The following POLR2F variants were observed in gnomAD, a reference collection of about 807,000 sequenced individuals.
POLR2F encodes the protein DNA-directed RNA polymerases I, II, and III subunit RPABC2.
POLR2F carries 12 observed loss-of-function variants against 22.7 expected under a neutral mutation model. The observed-to-expected ratio is 0.53, with a 90% CI of 0.34 to 0.86. The LOEUF is 0.86. Among genes scored for constraint, POLR2F ranks in the 40% least tolerant of loss-of-function variants. The pLI is 0.02. For missense variants in POLR2F, 126 were observed against 171.5 expected, an observed-to-expected ratio of 0.73 and a Z score of 1.48; for synonymous variants, 57 against 66.0, an observed-to-expected ratio of 0.86 and a Z score of 0.66.
rs2084914623 is a variant in POLR2F, at chr22:38,016,272, T to G, written c.121-9597T>G. Among the ~76,000 whole-genome samples the G allele has an allele frequency of 6.6e-6, 1 of 152,192 alleles. No individual in the cohort carries two copies. The highest frequency in any genetic ancestry group is 2.1e-4 in the South Asian group (1 of 4,828). On this transcript the variant is annotated intron_variant, in intron 1 of 2. Coordinates refer to the POLR2F transcript ENST00000333418. This position sits in a 1 kb window ranked among gnomAD's most constrained non-coding sequence, Gnocchi z 4.4. Reference sequence around the variant, plus strand: ...GCTCTGACCACACCCTTGGGGGTCATTTCAGAAGGCCTCCTCCAATGAGGC... The same window carrying G: ...GCTCTGACCACACCCTTGGGGGTCAGTTCAGAAGGCCTCCTCCAATGAGGC...
At chr22:37,959,529 C>A in intron 3 of POLR2F, 53 bp downstream of exon 3, 1 of 1,580,180 alleles carries the variant, frequency 6.3e-7, no homozygotes, top group South Asian at 1.1e-5. Flanking sequence ...ACAGTAAGCT[C>A]TTGTACCGCT....
At chr22:37,967,361 T>A in intron 4 of POLR2F, 191 bp downstream of exon 4, 1 of 1,459,666 alleles carries the variant, frequency 6.9e-7, no homozygotes, top group African/African-American at 1.4e-5. Flanking sequence ...AGGGCACTGA[T>A]GAGACATGGA....
At chr22:37,961,899 C>T (rs560359711) in intron 3 of POLR2F, among the ~76,000 whole-genome samples, 7 of 151,818 alleles carry the variant, frequency 4.6e-5, no homozygotes, top group Non-Finnish European at 5.9e-5. Flanking sequence ...TCTGGAGGAG[C>T]GGGGGTAGTT....
chr22:37,983,158 C>T (rs374946072), upstream of POLR2F, among the ~76,000 whole-genome samples: 38 of 152,340 alleles, frequency 2.5e-4, 1 homozygote, highest in Middle Eastern at 0.01. This position sits in a 1 kb window ranked among gnomAD's most constrained non-coding sequence, Gnocchi z 9.5. Flanking sequence ...GGAGACCCGG[C>T]CTAGGCCGCT....
chr22:38,008,617 C>T (rs1185653134), intron 1 of POLR2F, among the ~76,000 whole-genome samples: 1 of 150,980 alleles, frequency 6.6e-6, no homozygotes, highest in Admixed American at 6.6e-5. Flanking sequence ...CAGGCCTGTA[C>T]TCCCAGCACT....
At chr22:38,020,795 C>T (rs1237581800) in intron 1 of POLR2F, among the ~76,000 whole-genome samples, 1 of 152,058 alleles carries the variant, frequency 6.6e-6, no homozygotes, top group African/African-American at 2.4e-5. Flanking sequence ...TTTCCTGCCA[C>T]CTTTTCCCCT....
At chr22:37,991,053 G>A (rs1398482387) in intron 1 of POLR2F, among the ~76,000 whole-genome samples, 1 of 152,192 alleles carries the variant, frequency 6.6e-6, no homozygotes, top group African/African-American at 2.4e-5. Context: ...AGGCCAAGGT[G>A]GGAGGATTGC....
intron 1 of POLR2F, among the ~76,000 whole-genome samples, chr22:37,989,680 C>T (rs1041208889): frequency 5.3e-5 from 8 of 152,218 alleles, no homozygotes; most frequent in Non-Finnish European, 1.0e-4. Flanking sequence ...AGGCACAAAG[C>T]GATTCAGTGA....
chr22:37,967,507 C>T lies in POLR2F; in HGVS notation c.294-118C>T, dbSNP rs912320415. The T allele has an allele frequency of 4.0e-6, 6 of 1,504,872 alleles. No homozygotes were observed. The Admixed American group carries it at 9.9e-5, about 25-fold the overall frequency. 93.2% of individuals were successfully genotyped at this position (1,504,872 alleles called of 1,614,324 possible). On this transcript the variant is annotated intron_variant, in intron 4 of 4. Coordinates refer to ENST00000442738, the MANE Select transcript of POLR2F (RefSeq NM_021974.5). ...CTTTCTTACAAAGTACACTCATCAGCCCCAAGAGGCTGCTCCTAAGACTTC... is the reference window on the plus strand; with the variant it reads ...CTTTCTTACAAAGTACACTCATCAGTCCCAAGAGGCTGCTCCTAAGACTTC...
chr22:38,034,690 C>T (rs1040135508), intron 5 of POLR2F, among the ~76,000 whole-genome samples: 1 of 152,192 alleles, frequency 6.6e-6, no homozygotes, highest in African/African-American at 2.4e-5. Flanking sequence ...ACAGAATGAA[C>T]TAATCCCAGG....
At chr22:38,004,489 A>G (rs1177234635) in intron 1 of POLR2F, among the ~76,000 whole-genome samples, 2 of 152,088 alleles carry the variant, frequency 1.3e-5, no homozygotes, top group Admixed American at 1.3e-4. Context: ...ATGCATATCT[A>G]CTCGCTGAGT....
chr22:37,994,298 A>G (rs1427630409), intron 1 of POLR2F, among the ~76,000 whole-genome samples: 1 of 151,980 alleles, frequency 6.6e-6, no homozygotes, highest in Non-Finnish European at 1.5e-5. Flanking sequence ...ACACACACGC[A>G]CCCCAGCTCA....
intron 3 of POLR2F, among the ~76,000 whole-genome samples, chr22:37,963,942 A>C (rs1236463313): frequency 6.6e-6 from 1 of 152,024 alleles, no homozygotes; most frequent in Non-Finnish European, 1.5e-5. Flanking sequence ...TCTCTACTAA[A>C]AATACAAAAA....
intron 1 of POLR2F, among the ~76,000 whole-genome samples, chr22:38,004,334 T>C (rs563871007): frequency 2.2e-4 from 34 of 152,072 alleles, no homozygotes; most frequent in African/African-American, 7.0e-4. Context: ...TGTATTAGGA[T>C]GGGTCGTAGG....
intron 1 of POLR2F, among the ~76,000 whole-genome samples, chr22:38,005,401 GGCATGTGAGCCACCTCGAAT>G (rs2084812168): frequency 2.0e-5 from 3 of 152,362 alleles, no homozygotes; most frequent in Middle Eastern, 3.4e-3. Context: ...TGGGATTACA[GGCATGTGAGCCACCTCGAAT>G]GCCAGATTTA....
chr22:37,982,692 T>A (rs1383959196), upstream of POLR2F, among the ~76,000 whole-genome samples: 1 of 152,052 alleles, frequency 6.6e-6, no homozygotes, highest in Non-Finnish European at 1.5e-5. Context: ...AGAGATCAGC[T>A]TGGTGACTCT....
chr22:38,039,492 A>T (rs1471836888), intron 5 of POLR2F, among the ~76,000 whole-genome samples: 3 of 152,136 alleles, frequency 2.0e-5, no homozygotes, highest in Non-Finnish European at 4.4e-5. Context: ...TCCAGGGCAG[A>T]TCCTCTCTTC....
intron 1 of POLR2F, among the ~76,000 whole-genome samples, chr22:37,992,532 T>C (rs1932748392): frequency 6.6e-6 from 1 of 152,060 alleles, no homozygotes; most frequent in African/African-American, 2.4e-5. Context: ...CTAGCTGGGA[T>C]TACAAGTGCA....
At chr22:37,993,035 G>A (rs963022582) in intron 1 of POLR2F, among the ~76,000 whole-genome samples, 8 of 152,204 alleles carry the variant, frequency 5.3e-5, no homozygotes, top group African/African-American at 1.9e-4. Flanking sequence ...GCAACATGGT[G>A]CAGACATGCA....
Sources: allele counts gnomAD v4.1 joint callset (sites outside exome capture counted in the v4.1 genomes callset), GRCh38; gene constraint gnomAD v4.1.1; non-coding constraint Gnocchi (gnomAD v3.1); transcripts MANE v1.5; gene names NCBI Gene and HGNC (gene_info 2026-07-23, HGNC 2026-07-21).